MYH4: variants seen among roughly 807,000 people sequenced by gnomAD.
MYH4 encodes the protein myosin heavy chain 4.
A neutral mutation model predicts 229.9 loss-of-function variants in MYH4; 200 were observed. That is an observed-to-expected ratio of 0.87 (90% CI 0.78 to 0.98). The LOEUF (loss-of-function observed/expected upper bound fraction) is 0.98, where lower values mean the gene tolerates loss of function less well. MYH4 is among the 50% of genes least tolerant of loss of function. The pLI, the probability that MYH4 is intolerant of heterozygous loss-of-function variation, is 0.00. For synonymous variants in MYH4, 761 were observed against 834.6 expected (o/e 0.91, Z 1.52); for missense variants, 2,148 against 2,332.6 (o/e 0.92, Z 1.63).
chr17:10,453,543 G>A, intron 23 of MYH4, 100 bp downstream of exon 23: 1 of 1,582,058 alleles, frequency 6.3e-7, no homozygotes, highest in Non-Finnish European at 8.6e-7. Flanking sequence ...TTATGACAGT[G>A]GTATTTTTTA....
At chr17:10,467,708 A>G (rs954394524) in intron 2 of MYH4, among the ~76,000 whole-genome samples, 2 of 152,212 alleles carry the variant, frequency 1.3e-5, no homozygotes, top group Non-Finnish European at 2.9e-5. Flanking sequence ...AAAAATACCA[A>G]CCAGTCTTCT....
Position 10,443,590 on chromosome 17 carries a change from T to C in MYH4, c.5668-63A>G, listed in dbSNP as rs2072480149. The C allele has an allele frequency of 6.5e-7, 1 of 1,535,602 alleles. No individual in the cohort carries two copies. Among genetic ancestry groups the C allele is most frequent in the Admixed American group, 1.9e-5 (1 of 53,962 alleles). On this transcript the variant is annotated intron_variant, in intron 39 of 39. Transcript: ENST00000255381. The surrounding 1 kb of genome is among the most constrained non-coding windows in gnomAD (Gnocchi z 4.6). ...GGACATTTCCTGATTGTTATTGCTT[T>C]TGTTACTTCAGGATTTGCCTCATGA... is the stretch of plus-strand genomic sequence containing the variant.
chr17:10,449,018 G>C lies in MYH4; in HGVS notation c.4211C>G (p.Ala1404Gly). ...KKKLAQRLQDAEEHVEAVNSK... is the reference protein window; with the variant it reads ...KKKLAQRLQDGEEHVEAVNSK... ...ATTCACAGCTTCTACATGTTCTTCT[G>C]CATCCTGCAGACGCTGGGCTAGCTT... The change falls in exon 31 of 40, where the codon GCA becomes GGA. Residue 1404 changes from alanine to glycine, a missense_variant. Transcript: ENST00000255381. 3 of 1,614,082 alleles carry C rather than the reference G, an allele frequency of 1.9e-6. No individual in the cohort carries two copies. Among genetic ancestry groups the C allele is most frequent in the Non-Finnish European group, 2.5e-6 (3 of 1,180,010 alleles).
rs1278037654 is a variant in MYH4, at chr17:10,450,549, T to C, written c.4085A>G (p.Gln1362Arg). 3 of 1,614,078 alleles carry C rather than the reference T, an allele frequency of 1.9e-6. No homozygotes were observed. The highest frequency in any genetic ancestry group is 2.5e-6 in the Non-Finnish European group (3 of 1,180,034). ...ACTGTTGGCCTTGGACATTCCCCTC[T>C]GCAGCTCAGCCTTGGCTTCCTGCTC... Reference protein sequence around the residue: ...EEEQEAKAELQRGMSKANSEV... With the variant: ...EEEQEAKAELRRGMSKANSEV... Residue 1362 changes from glutamine to arginine, a missense_variant, in exon 30 of 40, where the codon CAG becomes CGG. By Grantham distance (43) the Gln-to-Arg change is conservative. Transcript: ENST00000255381.
chr17:10,452,306 C>T lies in MYH4; in HGVS notation c.3373G>A (p.Glu1125Lys), dbSNP rs200153692. The change falls in exon 27 of 40, where the codon GAA becomes AAA. Residue 1125 changes from glutamate (E) to lysine (K), a missense_variant. By Grantham distance (56) the Glu-to-Lys change is moderately conservative (BLOSUM62 1). Transcript: ENST00000255381. ...CGGGAGGCCCGCTCTGCCTCGATTT[C>T]CTCCTCCAGCTCCTCAATGCGGGCC... ...LQARIEELEE[E>K]IEAERASRAK... 1.9e-6 allele frequency: 3 copies of T among 1,613,986 alleles called. No homozygotes were observed. Among genetic ancestry groups the T allele is most frequent in the Non-Finnish European group, 2.5e-6 (3 of 1,180,038 alleles).
rs200252070 is a variant in MYH4, at chr17:10,453,183, G to A, written c.3080C>T (p.Ala1027Val). The A allele has an allele frequency of 3.8e-5, 62 of 1,614,036 alleles. No homozygotes were observed. In the East Asian group the frequency reaches 8.0e-4, roughly 21 times the overall value. ...EEDKVNTLTKAKTKLEQQVDD... is the reference protein window; with the variant it reads ...EEDKVNTLTKVKTKLEQQVDD... ...CACTTGCTGTTCTAGCTTGGTTTTA[G>A]CTTTGGTCAGGGTGTTGACTTTGTC... is the stretch of plus-strand genomic sequence containing the variant. Residue 1027 changes from alanine to valine, a missense_variant, in exon 24 of 40, where the codon GCT (alanine) becomes GTT (valine). By Grantham distance (64) the Ala-to-Val change is moderately conservative. Transcript: ENST00000255381.
chr17:10,452,158 T>C lies in MYH4; in HGVS notation c.3521A>G (p.Glu1174Gly). 1 of 1,614,050 alleles carries C rather than the reference T, an allele frequency of 6.2e-7. No homozygotes were observed. The highest frequency in any genetic ancestry group is 8.5e-7 in the Non-Finnish European group (1 of 1,180,028). ...CAGGTCCCTGCGCATTTTCTGGAAC[T>C]CAGCCTCCCGCTTCTTGTTCATCTC... ...QIEMNKKREA[E>G]FQKMRRDLEE... The change falls in exon 27 of 40, where the codon GAG becomes GGG. Residue 1174 changes from glutamate (E) to glycine (G), a missense_variant. Glu to Gly is a moderately conservative substitution (Grantham distance 98, BLOSUM62 -2). Coordinates refer to ENST00000255381, the MANE Select transcript of MYH4 (RefSeq NM_017533.2).
rs754358110 is a variant in MYH4 at position 10,459,289 on chromosome 17, C to T, written c.1549G>A (p.Gly517Arg). The change falls in exon 15 of 40, where the codon GGG (glycine) becomes AGG (arginine). Residue 517 changes from glycine (G) to arginine (R), a missense_variant. By Grantham distance (125) the Gly-to-Arg change is moderately radical. Transcript: ENST00000255381. ...TCGATGCAGGCAGCCAGGTCCATCC[C>T]GAAGTCAATGAACTCCCACTCGATG... ...EGIEWEFIDF[G>R]MDLAACIELI... 5.5e-5 allele frequency: 88 copies of T among 1,613,878 alleles called. No homozygotes were observed. Among genetic ancestry groups the T allele is most frequent in the Non-Finnish European group, 7.1e-5 (84 of 1,179,992 alleles).
In MYH4 at chr17:10,457,433, T is replaced by C. The variant is rs2072653409; in HGVS notation, c.1884A>G (p.Gln628=). The change falls in exon 16 of 40, where the codon CAA becomes CAG. Residue 628 remains glutamine, a synonymous_variant. Transcript: ENST00000255381. The part of the protein sequence containing the change: ...KTLAFLFSGA[Q]TAEAEGGGGK... The stretch of plus-strand genomic sequence containing the variant: ...ATTAAACATGACCTGCTTCAGCAGT[T>C]TGTGCCCCAGAGAAGAGGAAAGCCA... The C allele has an allele frequency of 1.2e-6, 2 of 1,605,858 alleles. No homozygotes were observed. The highest frequency in any genetic ancestry group is 2.7e-5 in the African/African-American group (2 of 74,618).
In MYH4 at chr17:10,452,951, T is replaced by C; in HGVS notation, c.3112-19A>G. ...CTTCAAGCTAAATTTATGATGCATT[T>C]TATTTATTTCAGCTCTTAAGCACTG... is the stretch of plus-strand genomic sequence containing the variant. On this transcript the variant is annotated intron_variant, in intron 24 of 39. Transcript: ENST00000255381. The C allele has an allele frequency of 6.3e-7, 1 of 1,599,668 alleles. No homozygotes were observed. Among genetic ancestry groups the C allele is most frequent in the South Asian group, 1.2e-5 (1 of 86,616 alleles).
At chr17:10,449,431 A>G (rs2072548244) in intron 30 of MYH4, among the ~76,000 whole-genome samples, 1 of 152,154 alleles carries the variant, frequency 6.6e-6, no homozygotes, top group South Asian at 2.1e-4. Context: ...AGTAGAAAAC[A>G]GGAAGAGACA....
rs73974712 is a variant in MYH4, at chr17:10,449,498, G to T, written c.4182-451C>A. On this transcript the variant is annotated intron_variant, in intron 30 of 39. Transcript: ENST00000255381. The stretch of plus-strand genomic sequence containing the variant: ...AGATCTGTAACTACTTGTGGAAAAG[G>T]GCTGAGTTTTATTTACTTTGAGGAA... Among the ~76,000 whole-genome samples the T allele has an allele frequency of 5.2e-3, 799 of 152,244 alleles. 7 individuals carry two copies. The highest frequency in any genetic ancestry group is 0.019 in the African/African-American group (774 of 41,510).
chr17:10,460,913 T>C lies in MYH4; in HGVS notation c.1147+3A>G. 1 of 1,613,958 alleles carries C rather than the reference T, an allele frequency of 6.2e-7. No homozygotes were observed. The highest frequency in any genetic ancestry group is 8.5e-7 in the Non-Finnish European group (1 of 1,179,950). On this transcript the variant is annotated splice_donor_region_variant and intron_variant, in intron 12 of 39. Coordinates refer to ENST00000255381, the MANE Select transcript of MYH4 (RefSeq NM_017533.2). ...AGTGGAAGATACCAACAGGGGGTGG[T>C]ACCTTCCGTGCCATCTGGCTCTGCC...
At chr17:10,447,366 T>C in intron 34 of MYH4, 150 bp from the exon 35 acceptor site, 1 of 660,176 alleles carries the variant, frequency 1.5e-6, no homozygotes, top group Non-Finnish European at 2.5e-6. Context: ...TCTTTGTAGC[T>C]GAGGGTTGCA....
intron 3 of MYH4, 34 bp downstream of exon 3, chr17:10,466,508 C>T (rs746814577): frequency 1.2e-6 from 2 of 1,613,864 alleles, no homozygotes; most frequent in South Asian, 1.1e-5. Context: ...CAAAATGAGG[C>T]AGAGTCTAAT....
rs564783119 is a variant in MYH4 at position 10,460,089 on chromosome 17, C to T, written c.1279G>A (p.Val427Met). ...TAGATGGCTTTGGCCAGAGCACCCA[C>T]TGCATTGTACACCTTCAACAGAAGT... ...GQTVQQVYNA[V>M]GALAKAIYEK... Residue 427 changes from valine (V) to methionine (M), a missense_variant, in exon 14 of 40, where the codon GTG becomes ATG. Physicochemically the swap from Val to Met is conservative, Grantham distance 21 (BLOSUM62 1). Transcript: ENST00000255381. 6.2e-7 allele frequency: 1 copy of T among 1,614,182 alleles called. No individual in the cohort carries two copies. Among genetic ancestry groups the T allele is most frequent in the Admixed American group, 1.7e-5 (1 of 60,028 alleles).
intron 2 of MYH4, among the ~76,000 whole-genome samples, chr17:10,467,656 T>C (rs910637358): frequency 2.0e-5 from 3 of 152,224 alleles, no homozygotes; most frequent in Non-Finnish European, 2.9e-5. Context: ...CTGATTCTTA[T>C]TTTCTTAGGT....
In MYH4 at chr17:10,462,964, C is replaced by A. The variant is rs1029456820; in HGVS notation, c.909G>T (p.Met303Ile). 25 of 1,613,166 alleles carry A rather than the reference C, an allele frequency of 1.5e-5. No individual in the cohort carries two copies. Among genetic ancestry groups the A allele is most frequent in the Non-Finnish European group, 2.1e-5 (25 of 1,179,338 alleles). The change falls in exon 11 of 40, where the codon ATG becomes ATT. Residue 303 changes from methionine (M) to isoleucine (I), a missense_variant. Physicochemically the swap from Met to Ile is conservative, Grantham distance 10. Transcript: ENST00000255381. The part of the protein sequence containing the change: ...LSNKKPELIE[M>I]LLITTNPYDF... ...CATATGGGTTGGTGGTGATCAGAAGCATTTCTGAACACATGGAAAAGAACA... is the reference window on the plus strand; with the variant it reads ...CATATGGGTTGGTGGTGATCAGAAGAATTTCTGAACACATGGAAAAGAACA...
At chr17:10,454,500 T>C in intron 22 of MYH4, 55 bp downstream of exon 22, 1 of 1,573,584 alleles carries the variant, frequency 6.4e-7, no homozygotes, top group South Asian at 1.2e-5. Flanking sequence ...AAACCATTCA[T>C]TTTAAAACGT....
Sources: allele counts gnomAD v4.1 joint callset (sites outside exome capture counted in the v4.1 genomes callset), GRCh38; gene constraint gnomAD v4.1.1; non-coding constraint Gnocchi (gnomAD v3.1); transcripts MANE v1.5; gene names NCBI Gene and HGNC (gene_info 2026-07-23, HGNC 2026-07-21).